GPHN: variants seen among roughly 807,000 people sequenced by gnomAD.
The protein encoded by GPHN is gephyrin.
In GPHN, 17 loss-of-function variants were observed where a neutral mutation model predicts 95.5. The observed-to-expected ratio is 0.18, with a 90% CI of 0.12 to 0.27. The LOEUF is 0.27. GPHN is among the 10% of genes least tolerant of loss of function. GPHN has a pLI of 1.00. For synonymous variants in GPHN, 320 were observed against 322.5 expected (o/e 0.99, Z 0.08); for missense variants, 660 against 978.1 (o/e 0.67, Z 4.34).
the GPHN span, chr14:67,695,739 C>G: frequency 3.1e-6 from 5 of 1,601,366 alleles, no homozygotes; most frequent in East Asian, 8.9e-5. Flanking sequence ...GCGGGATGCT[C>G]CAGCGTTGCT....
intron 1 of GPHN, among the ~76,000 whole-genome samples, chr14:66,515,977 A>G (rs775218583): frequency 5.3e-5 from 8 of 151,888 alleles, no homozygotes; most frequent in Non-Finnish European, 7.4e-5. Flanking sequence ...ACAAGCACCA[A>G]AACTGTTTTT....
At chr14:67,323,261 G>GTATATATATATA in the GPHN span, among the ~76,000 whole-genome samples, 6 of 124,190 alleles carry the variant, frequency 4.8e-5, no homozygotes, top group South Asian at 2.5e-4. Context: ...GTGTGTGTGT[G>GTATATATATATA]TATATATATA....
chr14:67,281,637 A>G, the GPHN span, among the ~76,000 whole-genome samples: 1 of 152,088 alleles, frequency 6.6e-6, no homozygotes, highest in Non-Finnish European at 1.5e-5. Context: ...GTATTTGTCC[A>G]TTTGGTTTAC....
intron 2 of GPHN, among the ~76,000 whole-genome samples, chr14:66,759,707 T>C (rs2058693160): frequency 6.6e-6 from 1 of 152,192 alleles, no homozygotes; most frequent in Admixed American, 6.5e-5. Flanking sequence ...AAGTGCAGCA[T>C]TTAGACTGTT....
chr14:67,463,268 A>T, the GPHN span, among the ~76,000 whole-genome samples: 124 of 152,136 alleles, frequency 8.2e-4, no homozygotes, highest in African/African-American at 2.5e-3. Flanking sequence ...TTAATTAAAA[A>T]TTTTTTTCAA....
At chr14:66,695,346 A>G (rs1034132872) in intron 2 of GPHN, among the ~76,000 whole-genome samples, 51 of 152,210 alleles carry the variant, frequency 3.4e-4, no homozygotes, top group African/African-American at 1.1e-3. Context: ...CTACATATCT[A>G]TTAGAATGGT....
At chr14:67,339,948 A>G in the GPHN span, 1 of 152,624 alleles carries the variant, frequency 6.6e-6, no homozygotes, top group Admixed American at 6.5e-5. Context: ...AAAAGTACAA[A>G]AAAATTATCC....
the GPHN span, among the ~76,000 whole-genome samples, chr14:67,704,642 G>A: frequency 2.0e-5 from 3 of 152,178 alleles, no homozygotes; most frequent in Non-Finnish European, 4.4e-5. Context: ...AAGTTATGGA[G>A]TAGAGTAAGA....
chr14:67,538,934 T>C, the GPHN span, among the ~76,000 whole-genome samples: 1 of 152,196 alleles, frequency 6.6e-6, no homozygotes, highest in African/African-American at 2.4e-5. Context: ...GAGATTTTGA[T>C]AATTTGGGTT....
intron 1 of GPHN, among the ~76,000 whole-genome samples, chr14:66,582,715 C>T (rs962467016): frequency 2.0e-5 from 3 of 152,190 alleles, no homozygotes; most frequent in Non-Finnish European, 4.4e-5. Context: ...GACATGAACT[C>T]ATCATTTTTT....
chr14:67,019,649 T>G (rs1422016154), intron 9 of GPHN, among the ~76,000 whole-genome samples: 1 of 152,192 alleles, frequency 6.6e-6, no homozygotes, highest in Admixed American at 6.5e-5. Context: ...CCTCCCTCAC[T>G]TCTGTGAAAT....
chr14:66,539,493 C>T lies in GPHN; in HGVS notation c.64+30902C>T, dbSNP rs1015824837. Among the ~76,000 whole-genome samples, 9 of 147,668 alleles carry T rather than the reference C, an allele frequency of 6.1e-5. 1 individual carries two copies. The East Asian group carries it at 1.4e-3, about 23-fold the overall frequency. ...GCAATGGCGTGATCTCGGCTCACTG[C>T]AACCTCCGCCTCCCGGGTTCAAGCG... On this transcript the variant is annotated intron_variant, in intron 1 of 22. Coordinates refer to ENST00000478722, the MANE Select transcript of GPHN (RefSeq NM_020806.5).
the GPHN span, among the ~76,000 whole-genome samples, chr14:67,314,533 G>GC: frequency 1.3e-5 from 2 of 152,196 alleles, no homozygotes. Context: ...CAGAGTAACA[G>GC]TTACAGGACA....
At chr14:67,671,743 G>T in the GPHN span, among the ~76,000 whole-genome samples, 1 of 152,124 alleles carries the variant, frequency 6.6e-6, no homozygotes, top group Non-Finnish European at 1.5e-5. Context: ...GGCTGAGAGG[G>T]CTGATTCTTT....
chr14:67,656,146 T>C, the GPHN span, among the ~76,000 whole-genome samples: 411 of 151,352 alleles, frequency 2.7e-3, 1 homozygote, highest in Non-Finnish European at 4.3e-3. Context: ...CTCAGGAGGC[T>C]GAGGCAAGAG....
chr14:66,523,308 A>G (rs1207179279), intron 1 of GPHN, among the ~76,000 whole-genome samples: 2 of 152,112 alleles, frequency 1.3e-5, no homozygotes, highest in African/African-American at 2.4e-5. Flanking sequence ...CTTAAGTGTA[A>G]TGACAGATTC....
chr14:67,160,060 A>G (rs1057059266), intron 19 of GPHN, among the ~76,000 whole-genome samples: 2 of 152,314 alleles, frequency 1.3e-5, no homozygotes, highest in Non-Finnish European at 2.9e-5. Context: ...TCTCCCATAT[A>G]TCAAGAAAAA....
At chr14:67,659,708 C>A in the GPHN span, 69 of 1,552,612 alleles carry the variant, frequency 4.4e-5, 1 homozygote, top group Non-Finnish European at 5.2e-5. Flanking sequence ...AAAAAAAAAA[C>A]AAACAAAACA....
chr14:67,412,127 C>G, the GPHN span: 1 of 1,334,458 alleles, frequency 7.5e-7, no homozygotes, highest in African/African-American at 1.5e-5. Flanking sequence ...TCGGCACCCG[C>G]GCAGCCCGCG....
Sources: gnomAD v4.1 joint callset for allele counts (sites outside exome capture counted in the v4.1 genomes callset) on GRCh38, gnomAD v4.1.1 for gene constraint, MANE v1.5 for transcripts, NCBI Gene and HGNC (gene_info 2026-07-23, HGNC 2026-07-21) for gene names.